ARHGAP24: variants seen among roughly 807,000 people sequenced by gnomAD.
ARHGAP24 encodes Rho GTPase activating protein 24, also known as rho GTPase-activating protein 24.
Under a neutral mutation model 76.4 loss-of-function variants are expected in ARHGAP24, and 50 were observed. The observed-to-expected ratio is 0.65, with a 90% confidence interval of 0.52 to 0.83. The LOEUF (loss-of-function observed/expected upper bound fraction) is 0.83, where lower values mean the gene tolerates loss of function less well. Ranked by LOEUF, ARHGAP24 falls within the 40% of genes least tolerant of loss-of-function variation. The pLI, the probability that ARHGAP24 is intolerant of heterozygous loss-of-function variation, is 0.00. For missense variants in ARHGAP24, 930 were observed against 914.2 expected, an observed-to-expected ratio of 1.02 and a Z score of -0.22; for synonymous variants, 345 against 323.3, an observed-to-expected ratio of 1.07 and a Z score of -0.72.
chr4:85,915,577 C>G (rs1028472357), intron 3 of ARHGAP24, among the ~76,000 whole-genome samples: 1 of 152,012 alleles, frequency 6.6e-6, no homozygotes, highest in Non-Finnish European at 1.5e-5. Flanking sequence ...CCTAGCCCCC[C>G]ACGCCCCAAT....
At chr4:85,493,543 C>T (rs151010785) in intron 1 of ARHGAP24, among the ~76,000 whole-genome samples, 1 of 152,296 alleles carries the variant, frequency 6.6e-6, no homozygotes, top group East Asian at 1.9e-4. Context: ...TTTTGTTGCT[C>T]AAATTGTCCA....
chr4:85,528,280 T>C (rs1725098290), intron 1 of ARHGAP24, among the ~76,000 whole-genome samples: 1 of 152,124 alleles, frequency 6.6e-6, no homozygotes, highest in Non-Finnish European at 1.5e-5. Context: ...TTGTGCTTAA[T>C]GTAGGGCTGC....
intron 2 of ARHGAP24, among the ~76,000 whole-genome samples, chr4:85,677,555 T>A (rs1378273592): frequency 6.6e-6 from 1 of 152,260 alleles, no homozygotes; most frequent in Non-Finnish European, 1.5e-5. Flanking sequence ...TGAACAGTTA[T>A]GAGTCCTCTG....
intron 2 of ARHGAP24, among the ~76,000 whole-genome samples, chr4:85,612,906 C>CG (rs1560552837): frequency 1.4e-5 from 2 of 147,782 alleles, no homozygotes; most frequent in East Asian, 4.3e-4. Context: ...TCAAGCAATT[C>CG]ACCCACCTCA....
chr4:85,703,177 G>T (rs1203156633), intron 2 of ARHGAP24, among the ~76,000 whole-genome samples: 1 of 152,138 alleles, frequency 6.6e-6, no homozygotes, highest in Non-Finnish European at 1.5e-5. Flanking sequence ...AAAGTTGCCT[G>T]GTCACCAAGA....
At chr4:85,549,890 T>G (rs576076181) in intron 1 of ARHGAP24, among the ~76,000 whole-genome samples, 1 of 152,316 alleles carries the variant, frequency 6.6e-6, no homozygotes, top group South Asian at 2.1e-4. Flanking sequence ...GTCAGTTCTC[T>G]TAGCATAATG....
intron 2 of ARHGAP24, among the ~76,000 whole-genome samples, chr4:85,601,138 A>G (rs1369225832): frequency 6.6e-6 from 1 of 152,184 alleles, no homozygotes; most frequent in African/African-American, 2.4e-5. Context: ...ATTCACGTCT[A>G]TATTTTTAAT....
At chr4:85,551,582 A>T (rs1726142233) in intron 1 of ARHGAP24, among the ~76,000 whole-genome samples, 1 of 152,138 alleles carries the variant, frequency 6.6e-6, no homozygotes, top group South Asian at 2.1e-4. Context: ...CTTCTCCTCA[A>T]ATTTTTGGAA....
intron 2 of ARHGAP24, among the ~76,000 whole-genome samples, chr4:85,624,467 G>A (rs1720855188): frequency 6.6e-6 from 1 of 152,132 alleles, no homozygotes; most frequent in African/African-American, 2.4e-5. Context: ...GCTTTTTGAT[G>A]TGCTGCTGGA....
At chr4:85,814,712 G>A (rs985188499) in intron 3 of ARHGAP24, among the ~76,000 whole-genome samples, 1 of 152,070 alleles carries the variant, frequency 6.6e-6, no homozygotes, top group East Asian at 1.9e-4. Context: ...CAGGCAAATG[G>A]TGCAAGCTGT....
At chr4:85,636,198 GCAT>G (rs1195182293) in intron 2 of ARHGAP24, among the ~76,000 whole-genome samples, 1 of 150,932 alleles carries the variant, frequency 6.6e-6, no homozygotes, top group African/African-American at 2.4e-5. Flanking sequence ...TTTTTTTAAC[GCAT>G]CATCTCTCTT....
intron 1 of ARHGAP24, among the ~76,000 whole-genome samples, chr4:85,553,930 G>T (rs750258713): frequency 2.0e-4 from 31 of 152,120 alleles, no homozygotes; most frequent in Admixed American, 2.0e-3. Context: ...TTACTTAAGT[G>T]TGTTTTTGTA....
intron 1 of ARHGAP24, among the ~76,000 whole-genome samples, chr4:85,555,034 G>A (rs968077319): frequency 1.8e-4 from 28 of 152,048 alleles, no homozygotes; most frequent in African/African-American, 5.8e-4. Context: ...ATATTTTATT[G>A]TAATCCTTAG....
intron 3 of ARHGAP24, among the ~76,000 whole-genome samples, chr4:85,895,053 A>G (rs1373455916): frequency 4.9e-5 from 7 of 142,000 alleles, no homozygotes; most frequent in African/African-American, 1.0e-4. Flanking sequence ...GGGACTCACG[A>G]GGGAAGATCG....
intron 2 of ARHGAP24, among the ~76,000 whole-genome samples, chr4:85,576,303 G>A (rs1350354626): frequency 6.6e-6 from 1 of 152,054 alleles, no homozygotes; most frequent in African/African-American, 2.4e-5. Context: ...GGTGGCGGGC[G>A]CCTGTAGTAC....
At chr4:85,477,308 G>A (rs1380710802) in intron 1 of ARHGAP24, among the ~76,000 whole-genome samples, 1 of 152,146 alleles carries the variant, frequency 6.6e-6, no homozygotes, top group Non-Finnish European at 1.5e-5. Flanking sequence ...GATTTGAGAT[G>A]AGGTGGTTTC....
At chr4:85,510,457 C>A (rs1471826014) in intron 1 of ARHGAP24, among the ~76,000 whole-genome samples, 1 of 151,802 alleles carries the variant, frequency 6.6e-6, no homozygotes, top group Non-Finnish European at 1.5e-5. Flanking sequence ...TTCTTTTTCT[C>A]CCTCTCTCTA....
intron 3 of ARHGAP24, among the ~76,000 whole-genome samples, chr4:85,775,534 G>T (rs111972942): frequency 1.3e-5 from 2 of 152,092 alleles, no homozygotes; most frequent in African/African-American, 4.8e-5. Flanking sequence ...ATCAGATCTC[G>T]TGAGACTTGT....
chr4:85,997,371 TATAGATAG>T (rs70948774), intron 9 of ARHGAP24, among the ~76,000 whole-genome samples: 27,346 of 147,386 alleles, frequency 0.19, 2,598 homozygotes, highest in Middle Eastern at 0.26. Context: ...AGATGATAGA[TATAGATAG>T]ATAGATAGAT....
Sources: allele counts gnomAD v4.1 joint callset (sites outside exome capture counted in the v4.1 genomes callset), GRCh38; gene constraint gnomAD v4.1.1; transcripts MANE v1.5; gene names NCBI Gene and HGNC (gene_info 2026-07-23, HGNC 2026-07-21).